The following OSBPL1A variants were observed in gnomAD, a reference collection of about 807,000 sequenced individuals.
OSBPL1A encodes the protein oxysterol-binding protein-related protein 1.
Under a neutral mutation model 137.1 loss-of-function variants are expected in OSBPL1A, and 80 were observed. The ratio of observed to expected loss-of-function variants is 0.58; its 90% CI spans 0.49 to 0.70. OSBPL1A has a LOEUF of 0.70. OSBPL1A is among the 30% of genes least tolerant of loss of function. The pLI, the probability that OSBPL1A is intolerant of heterozygous loss-of-function variation, is 0.00. For synonymous variants in OSBPL1A, 365 were observed against 389.7 expected (o/e 0.94, Z 0.75); for missense variants, 970 against 1,129.4 (o/e 0.86, Z 2.02).
At chr18:24,378,139 T>G (rs1398942355) in intron 1 of OSBPL1A, among the ~76,000 whole-genome samples, 3 of 152,166 alleles carry the variant, frequency 2.0e-5, no homozygotes, top group Non-Finnish European at 4.4e-5. Context: ...ACAACCAAAT[T>G]TCAAGCATTT....
At position 24,181,266 on chromosome 18, in the gene OSBPL1A, A is replaced by T. The variant is rs1187310833; in HGVS notation, c.1691T>A (p.Ile564Asn). 6.2e-7 allele frequency: 1 copy of T among 1,614,140 alleles called. No homozygotes were observed. The highest frequency in any genetic ancestry group is 8.5e-7 in the Non-Finnish European group (1 of 1,180,024). ...CTCATTAAATATAACTGGCATCGTG[A>T]TCTTGGATAGTTCCTATTTAACCAG... Reference protein sequence around the residue: ...RKCIGMELSKITMPVIFNEPL... With the variant: ...RKCIGMELSKNTMPVIFNEPL... The change falls in exon 19 of 28, where the codon ATC (isoleucine) becomes AAC (asparagine). Residue 564 changes from isoleucine to asparagine, a missense_variant. By Grantham distance (149) the Ile-to-Asn change is moderately radical. Coordinates refer to ENST00000319481, the MANE Select transcript of OSBPL1A (RefSeq NM_080597.4).
At chr18:24,241,851 C>A (rs2088705627) in intron 15 of OSBPL1A, among the ~76,000 whole-genome samples, 2 of 152,068 alleles carry the variant, frequency 1.3e-5, no homozygotes, top group Non-Finnish European at 2.9e-5. Context: ...GCACTATTCA[C>A]AATAGCAAAG....
intron 18 of OSBPL1A, among the ~76,000 whole-genome samples, chr18:24,181,841 T>G (rs913400310): frequency 6.6e-6 from 1 of 152,120 alleles, no homozygotes; most frequent in Non-Finnish European, 1.5e-5. Context: ...AAGAACACCT[T>G]ATAAAAGTAA....
chr18:24,197,853 T>C (rs1013362105), intron 17 of OSBPL1A, among the ~76,000 whole-genome samples: 6 of 150,856 alleles, frequency 4.0e-5, no homozygotes, highest in Non-Finnish European at 5.9e-5. Flanking sequence ...AGTGGTGTGA[T>C]CTCAGCTCAC....
At chr18:24,386,695 C>T (rs1317628560) in intron 1 of OSBPL1A, among the ~76,000 whole-genome samples, 1 of 152,138 alleles carries the variant, frequency 6.6e-6, no homozygotes, top group Non-Finnish European at 1.5e-5. Flanking sequence ...CATGGTGGCT[C>T]ATGTTTGTAA....
At chr18:24,378,557 T>C (rs1202354974) in intron 1 of OSBPL1A, among the ~76,000 whole-genome samples, 4 of 152,222 alleles carry the variant, frequency 2.6e-5, no homozygotes, top group African/African-American at 7.2e-5. Flanking sequence ...TTTGAAACCA[T>C]GCTTATAAAG....
intron 1 of OSBPL1A, among the ~76,000 whole-genome samples, chr18:24,395,570 T>C (rs957125798): frequency 3.9e-5 from 6 of 152,144 alleles, no homozygotes; most frequent in Non-Finnish European, 7.3e-5. Flanking sequence ...TTGTCGGTTC[T>C]AAAACAGTAT....
At chr18:24,236,790 C>T (rs1181609862) in intron 16 of OSBPL1A, among the ~76,000 whole-genome samples, 4 of 152,170 alleles carry the variant, frequency 2.6e-5, no homozygotes, top group African/African-American at 9.7e-5. Context: ...TGAACTGGCA[C>T]TTGAGATGAA....
chr18:24,166,474 T>TA, intron 26 of OSBPL1A, 105 bp downstream of exon 26: 9 of 1,394,142 alleles, frequency 6.5e-6, no homozygotes, highest in Non-Finnish European at 8.6e-6. Context: ...TAAGAGAGAC[T>TA]AAAAACGCTA....
chr18:24,198,722 C>T (rs561821777), intron 17 of OSBPL1A, among the ~76,000 whole-genome samples: 1 of 151,980 alleles, frequency 6.6e-6, no homozygotes, highest in African/African-American at 2.4e-5. Flanking sequence ...ACAGTCTAAG[C>T]CCATAGCATG....
intron 27 of OSBPL1A, among the ~76,000 whole-genome samples, chr18:24,163,921 A>T (rs1275039318): frequency 6.6e-6 from 1 of 151,944 alleles, no homozygotes; most frequent in Non-Finnish European, 1.5e-5. Context: ...TAGTAGAGAC[A>T]GGGTTTCTCC....
intron 16 of OSBPL1A, among the ~76,000 whole-genome samples, chr18:24,236,069 G>A (rs2632442): frequency 6.6e-6 from 1 of 152,152 alleles, no homozygotes; most frequent in African/African-American, 2.4e-5. Flanking sequence ...AGAGCCTTTA[G>A]AAGAAACACA....
At chr18:24,213,568 AATG>A (rs1461234700) in intron 17 of OSBPL1A, among the ~76,000 whole-genome samples, 2 of 152,112 alleles carry the variant, frequency 1.3e-5, no homozygotes, top group Admixed American at 6.5e-5. Context: ...ACTGTCTCAA[AATG>A]ATAATAATAA....
rs967302607 is a variant in OSBPL1A, at chr18:24,165,048, C to T, written c.2750+17G>A. ...CTGCCTGAGGGCTCAGCCACACCCC[C>T]TGACTCAGGCACGCACCTCGTCTTC... On this transcript the variant is annotated intron_variant, in intron 27 of 27. Transcript: ENST00000319481. 3.0e-5 allele frequency: 49 copies of T among 1,613,780 alleles called. No individual in the cohort carries two copies. In the Admixed American group the frequency reaches 3.3e-4, roughly 11 times the overall value.
chr18:24,224,006 G>A lies in OSBPL1A; in HGVS notation c.1601+1036C>T, dbSNP rs553191834. ...ACTGATAGTAACTACAGAGGGAATCGGGAAAGACACTCACTGCTGGACACA... is the reference window on the plus strand; with the variant it reads ...ACTGATAGTAACTACAGAGGGAATCAGGAAAGACACTCACTGCTGGACACA... On this transcript the variant is annotated intron_variant, in intron 17 of 27. Transcript: ENST00000319481. 3.9e-5 allele frequency among the ~76,000 whole-genome samples: 6 copies of A among 152,228 alleles called. No individual in the cohort carries two copies. The East Asian group carries it at 5.8e-4, about 15-fold the overall frequency.
intron 15 of OSBPL1A, among the ~76,000 whole-genome samples, chr18:24,259,508 AT>A (rs2089386127): frequency 6.6e-6 from 1 of 152,190 alleles, no homozygotes; most frequent in South Asian, 2.1e-4. Flanking sequence ...AGTAGAACTA[AT>A]TAAAGGGAAG....
At chr18:24,360,637 A>C (rs1232983311) in intron 4 of OSBPL1A, among the ~76,000 whole-genome samples, 1 of 152,172 alleles carries the variant, frequency 6.6e-6, no homozygotes, top group Non-Finnish European at 1.5e-5. Flanking sequence ...ATTTCATTGC[A>C]ATGTTCACAA....
At chr18:24,265,102 G>A (rs916917089) in intron 15 of OSBPL1A, among the ~76,000 whole-genome samples, 1 of 152,184 alleles carries the variant, frequency 6.6e-6, no homozygotes, top group Non-Finnish European at 1.5e-5. Context: ...CCGATTCTGA[G>A]ACTTTGGGAT....
chr18:24,199,790 G>A (rs1195065265), intron 17 of OSBPL1A, among the ~76,000 whole-genome samples: 1 of 152,116 alleles, frequency 6.6e-6, no homozygotes, highest in Non-Finnish European at 1.5e-5. Flanking sequence ...CTTAAGGAAG[G>A]GTTTCAGACA....
Sources: gnomAD v4.1 joint callset for allele counts (sites outside exome capture counted in the v4.1 genomes callset) on GRCh38, gnomAD v4.1.1 for gene constraint, MANE v1.5 for transcripts, NCBI Gene and HGNC (gene_info 2026-07-23, HGNC 2026-07-21) for gene names.